The following CA5A variants were observed in gnomAD, a reference collection of about 807,000 sequenced individuals.
CA5A encodes the protein carbonic anhydrase 5A, mitochondrial.
Under a neutral mutation model 37.1 loss-of-function variants are expected in CA5A, and 28 were observed. The ratio of observed to expected loss-of-function variants is 0.75; its 90% CI spans 0.56 to 1.03. CA5A has a LOEUF of 1.03. Among genes scored for constraint, CA5A ranks in the 50% least tolerant of loss-of-function variants. CA5A has a pLI of 0.00. For synonymous variants in CA5A, 171 were observed against 158.4 expected (o/e 1.08, Z -0.60); for missense variants, 444 against 399.9 (o/e 1.11, Z -0.94).
At chr16:87,884,828 A>C (rs1388545806), downstream of CA5A, 6 of 152,138 alleles carry the variant, frequency 3.9e-5, no homozygotes, top group African/African-American at 1.4e-4. Flanking sequence ...ATGAAAGGGC[A>C]CCTATTGGCT....
intron 2 of CA5A, among the ~76,000 whole-genome samples, chr16:87,917,782 ACACAT>A: frequency 1.4e-5 from 2 of 144,774 alleles, no homozygotes; most frequent in African/African-American, 5.7e-5. Flanking sequence ...GCACACATGC[ACACAT>A]GTATACACAG....
chr16:87,887,670 C>T (rs1238657123), downstream of CA5A: 1 of 156,180 alleles, frequency 6.4e-6, no homozygotes. Flanking sequence ...GCCTCGGCCT[C>T]CCAAAGTGCT....
At chr16:87,908,026 C>G (rs1217492161) in intron 2 of CA5A, among the ~76,000 whole-genome samples, 1 of 152,212 alleles carries the variant, frequency 6.6e-6, no homozygotes, top group Non-Finnish European at 1.5e-5. Flanking sequence ...AGGCACACAA[C>G]GAACCCTCAT....
At chr16:87,884,921 T>A (rs2055636926), downstream of CA5A, 1 of 152,334 alleles carries the variant, frequency 6.6e-6, no homozygotes, top group Non-Finnish European at 1.5e-5. Context: ...CTCAGCAGTT[T>A]GGGAGGACGA....
intron 1 of CA5A, among the ~76,000 whole-genome samples, chr16:87,927,956 G>A (rs2056336212): frequency 6.6e-6 from 1 of 151,916 alleles, no homozygotes. Context: ...TGTTCTCTGT[G>A]CAATAACCTC....
chr16:87,934,856 A>T (rs976707225), intron 1 of CA5A, among the ~76,000 whole-genome samples: 7 of 152,104 alleles, frequency 4.6e-5, no homozygotes, highest in African/African-American at 1.7e-4. Context: ...GCTACTTGGG[A>T]GGCTGAGTCA....
At chr16:87,905,509 C>T (rs1421689843) in intron 2 of CA5A, among the ~76,000 whole-genome samples, 2 of 152,106 alleles carry the variant, frequency 1.3e-5, no homozygotes, top group Non-Finnish European at 2.9e-5. Flanking sequence ...CAGGCATGTG[C>T]CACCAGGCCA....
intron 6 of CA5A, 43 bp downstream of exon 6, chr16:87,891,756 C>T: frequency 1.4e-6 from 2 of 1,441,848 alleles, no homozygotes; most frequent in Non-Finnish European, 1.8e-6. Context: ...AAGAGGGACG[C>T]CTTCCATGAA....
At chr16:87,929,833 C>T (rs1336129628) in intron 1 of CA5A, among the ~76,000 whole-genome samples, 2 of 133,988 alleles carry the variant, frequency 1.5e-5, no homozygotes, top group East Asian at 2.2e-4. Context: ...GATCGCGCCA[C>T]CGCACTCCAG....
intron 6 of CA5A, among the ~76,000 whole-genome samples, chr16:87,890,761 A>G (rs1347685120): frequency 2.0e-5 from 3 of 152,080 alleles, no homozygotes; most frequent in African/African-American, 7.2e-5. Flanking sequence ...GATTACAGGC[A>G]AACGCCACCA....
intron 2 of CA5A, among the ~76,000 whole-genome samples, chr16:87,915,130 C>A (rs747882127): frequency 6.6e-6 from 1 of 152,218 alleles, no homozygotes; most frequent in Non-Finnish European, 1.5e-5. Flanking sequence ...CGCGTTGCAG[C>A]GCACGTCCGA....
At chr16:87,915,736 A>T (rs568304632) in intron 2 of CA5A, among the ~76,000 whole-genome samples, 1 of 150,184 alleles carries the variant, frequency 6.7e-6, no homozygotes, top group South Asian at 2.1e-4. Flanking sequence ...TGTTTATGCC[A>T]TCACCACCCA....
downstream of CA5A, chr16:87,886,736 T>G (rs2055651461): frequency 2.0e-5 from 3 of 152,168 alleles, no homozygotes; most frequent in South Asian, 6.2e-4. Flanking sequence ...TCAATAGATA[T>G]CCAAATGATC....
chr16:87,923,207 G>A (rs547568583), intron 2 of CA5A, among the ~76,000 whole-genome samples: 12 of 152,022 alleles, frequency 7.9e-5, no homozygotes, highest in Admixed American at 4.6e-4. Context: ...TTTTTTTCCC[G>A]CGATGGAGTC....
chr16:87,911,209 C>T lies in CA5A; in HGVS notation c.341-6305G>A, dbSNP rs1204297698. Among the ~76,000 whole-genome samples, 1 of 152,056 alleles carries T rather than the reference C, an allele frequency of 6.6e-6. No homozygotes were observed. The highest frequency in any genetic ancestry group is 1.5e-5 in the Non-Finnish European group (1 of 68,028). On this transcript the variant is annotated intron_variant, in intron 2 of 6. Transcript: ENST00000649794. This position sits in a 1 kb window ranked among gnomAD's most constrained non-coding sequence, Gnocchi z 4.6. Reference sequence around the variant, plus strand: ...TCAGCAGGGCTGGTCCACCGGGCAGCACTGGCCACTGTTGCCTCAGCGTTC... The same window carrying T: ...TCAGCAGGGCTGGTCCACCGGGCAGTACTGGCCACTGTTGCCTCAGCGTTC...
downstream of CA5A, chr16:87,884,477 G>C (rs2143877690): frequency 6.6e-6 from 1 of 151,320 alleles, no homozygotes; most frequent in Middle Eastern, 3.4e-3. Flanking sequence ...TGAGGCAGGA[G>C]AATCACTTGA....
chr16:87,895,616 G>A (rs2055790641), intron 5 of CA5A, among the ~76,000 whole-genome samples: 1 of 152,154 alleles, frequency 6.6e-6, no homozygotes, highest in Admixed American at 6.5e-5. Context: ...ATGGTTTTGG[G>A]TATATTCACA....
intron 2 of CA5A, among the ~76,000 whole-genome samples, chr16:87,916,729 C>T (rs899587987): frequency 1.3e-5 from 2 of 152,170 alleles, no homozygotes; most frequent in African/African-American, 4.8e-5. Context: ...CTTGATTGAT[C>T]CTTCCTCCCT....
At chr16:87,917,702 CG>C (rs2056169669) in intron 2 of CA5A, among the ~76,000 whole-genome samples, 3 of 123,268 alleles carry the variant, frequency 2.4e-5, no homozygotes, top group Admixed American at 7.6e-5. Context: ...CACCCGCACA[CG>C]AACACACACA....
Sources: gnomAD v4.1 joint callset for allele counts (sites outside exome capture counted in the v4.1 genomes callset) on GRCh38, gnomAD v4.1.1 for gene constraint, Gnocchi (gnomAD v3.1) non-coding constraint, MANE v1.5 for transcripts, NCBI Gene and HGNC (gene_info 2026-07-23, HGNC 2026-07-21) for gene names.